The following LRP1B variants were observed in gnomAD, a reference collection of about 807,000 sequenced individuals.
The protein encoded by LRP1B is low-density lipoprotein receptor-related protein 1B.
LRP1B carries 217 observed loss-of-function variants against 556.6 expected under a neutral mutation model. The observed-to-expected ratio is 0.39, with a 90% CI of 0.35 to 0.44. The LOEUF (loss-of-function observed/expected upper bound fraction) is 0.44, where lower values mean the gene tolerates loss of function less well. Ranked by LOEUF, LRP1B falls within the 20% of genes least tolerant of loss-of-function variation. The pLI, the probability that LRP1B is intolerant of heterozygous loss-of-function variation, is 1.00. For synonymous variants in LRP1B, 2,047 were observed against 1,865.8 expected, an observed-to-expected ratio of 1.10 and a Z score of -2.50; for missense variants, 5,053 against 5,620.8, an observed-to-expected ratio of 0.90 and a Z score of 3.23.
intron 2 of LRP1B, among the ~76,000 whole-genome samples, chr2:141,740,130 A>G (rs1454996441): frequency 2.0e-5 from 3 of 152,156 alleles, no homozygotes. Flanking sequence ...ATCTAATGCT[A>G]TCTCCATTTT....
intron 7 of LRP1B, among the ~76,000 whole-genome samples, chr2:141,156,445 G>T (rs7597725): frequency 0.023 from 3,430 of 151,932 alleles, 131 homozygotes; most frequent in African/African-American, 0.079. Flanking sequence ...TGGCCAACAC[G>T]GTGAAAACCC....
intron 18 of LRP1B, among the ~76,000 whole-genome samples, chr2:140,963,556 A>C (rs559279903): frequency 5.9e-5 from 9 of 152,224 alleles, no homozygotes; most frequent in Non-Finnish European, 1.3e-4. Flanking sequence ...TGTCAGCATC[A>C]TAAAGACAGT....
chr2:140,282,203 T>C (rs1207786570), intron 84 of LRP1B, among the ~76,000 whole-genome samples: 1 of 151,830 alleles, frequency 6.6e-6, no homozygotes, highest in East Asian at 1.9e-4. Context: ...GTGCCCTCTA[T>C]CTAGGTTTAG....
At chr2:142,110,535 C>A (rs545341584) in intron 1 of LRP1B, among the ~76,000 whole-genome samples, 2 of 152,080 alleles carry the variant, frequency 1.3e-5, no homozygotes, top group African/African-American at 4.8e-5. Context: ...TCTAATGTAG[C>A]AAAAATGTCA....
intron 41 of LRP1B, among the ~76,000 whole-genome samples, chr2:140,657,934 T>G (rs1684950929): frequency 6.6e-6 from 1 of 151,988 alleles, no homozygotes; most frequent in Admixed American, 6.6e-5. Context: ...TGGCTGTATG[T>G]CAATGCTAAT....
intron 2 of LRP1B, among the ~76,000 whole-genome samples, chr2:141,577,535 G>A (rs1039944934): frequency 5.3e-5 from 8 of 152,142 alleles, no homozygotes; most frequent in Admixed American, 2.0e-4. Flanking sequence ...AATGATCACC[G>A]TACCATGACA....
intron 6 of LRP1B, among the ~76,000 whole-genome samples, chr2:141,209,304 G>A (rs538948643): frequency 6.6e-6 from 1 of 152,092 alleles, no homozygotes; most frequent in Non-Finnish European, 1.5e-5. Context: ...AGATCTGATG[G>A]TTTCATAAAG....
chr2:141,457,477 A>C (rs570408220), intron 3 of LRP1B, among the ~76,000 whole-genome samples: 1 of 152,192 alleles, frequency 6.6e-6, no homozygotes, highest in South Asian at 2.1e-4. Context: ...AAAAATAGCT[A>C]ATACATGCTG....
intron 63 of LRP1B, among the ~76,000 whole-genome samples, chr2:140,445,606 C>CTT (rs1196269873): frequency 2.6e-5 from 4 of 151,790 alleles, no homozygotes; most frequent in African/African-American, 2.4e-5. Context: ...TGCATTTTAT[C>CTT]ATATTATCTG....
intron 71 of LRP1B, among the ~76,000 whole-genome samples, chr2:140,366,560 T>C (rs935889926): frequency 6.6e-6 from 1 of 151,600 alleles, no homozygotes; most frequent in African/African-American, 2.4e-5. Context: ...AAAAACAGAT[T>C]GGGTAGGTAA....
At chr2:141,159,386 T>C (rs1291437124) in intron 7 of LRP1B, among the ~76,000 whole-genome samples, 1 of 152,130 alleles carries the variant, frequency 6.6e-6, no homozygotes, top group Non-Finnish European at 1.5e-5. Flanking sequence ...AATAAGTTTT[T>C]ATTTTTGTTT....
chr2:141,418,431 TA>T (rs1389379914), intron 3 of LRP1B, among the ~76,000 whole-genome samples: 4 of 125,006 alleles, frequency 3.2e-5, no homozygotes, highest in South Asian at 2.4e-4. Context: ...CAGAGCACAA[TA>T]TTTTTTTTTT....
chr2:141,427,036 C>T (rs1345108104), intron 3 of LRP1B, among the ~76,000 whole-genome samples: 3 of 152,136 alleles, frequency 2.0e-5, no homozygotes, highest in African/African-American at 7.2e-5. Flanking sequence ...GCCCTCCACC[C>T]CTGACAGGCC....
intron 77 of LRP1B, among the ~76,000 whole-genome samples, chr2:140,344,898 A>AG (rs1681573962): frequency 6.6e-6 from 1 of 151,704 alleles, no homozygotes; most frequent in African/African-American, 2.4e-5. Context: ...TGAGTAAGTG[A>AG]GGGGAAAAAA....
At chr2:141,892,139 A>C (rs1478224018) in intron 1 of LRP1B, among the ~76,000 whole-genome samples, 1 of 152,088 alleles carries the variant, frequency 6.6e-6, no homozygotes, top group East Asian at 1.9e-4. Context: ...TCAGATATAT[A>C]AATTATTCCA....
intron 3 of LRP1B, among the ~76,000 whole-genome samples, chr2:141,316,159 T>C (rs909063537): frequency 2.6e-5 from 4 of 152,064 alleles, no homozygotes; most frequent in African/African-American, 9.7e-5. Context: ...TTGACATGAA[T>C]CTTCTCCTGT....
At chr2:141,091,748 C>T (rs1700176970) in intron 7 of LRP1B, among the ~76,000 whole-genome samples, 1 of 152,172 alleles carries the variant, frequency 6.6e-6, no homozygotes, top group African/African-American at 2.4e-5. Context: ...ATAAAATAAA[C>T]ATCTGAAAAG....
chr2:140,370,599 A>G, intron 71 of LRP1B, 111 bp downstream of exon 71: 1 of 1,379,726 alleles, frequency 7.2e-7, no homozygotes, highest in East Asian at 2.3e-5. Context: ...AAGAGTAAAG[A>G]GAATTATTTA....
At chr2:141,279,401 A>G (rs1405776876) in intron 3 of LRP1B, among the ~76,000 whole-genome samples, 1 of 152,072 alleles carries the variant, frequency 6.6e-6, no homozygotes, top group African/African-American at 2.4e-5. Flanking sequence ...TGATACTTGG[A>G]AAAGTACCAA....
Sources: gnomAD v4.1 joint callset for allele counts (sites outside exome capture counted in the v4.1 genomes callset) on GRCh38, gnomAD v4.1.1 for gene constraint, MANE v1.5 for transcripts, NCBI Gene and HGNC (gene_info 2026-07-23, HGNC 2026-07-21) for gene names.